Variants in PCDH7 observed in about 807,000 individuals in gnomAD.
PCDH7 encodes the protein protocadherin-7.
PCDH7 carries 17 observed loss-of-function variants against 58.9 expected under a neutral mutation model. The observed-to-expected ratio is 0.29, with a 90% CI of 0.20 to 0.43. PCDH7 has a LOEUF of 0.43. Among genes scored for constraint, PCDH7 ranks in the 20% least tolerant of loss-of-function variants. The pLI is 1.00. For missense variants in PCDH7, 1,274 were observed against 1,441.0 expected (o/e 0.88, Z 1.88); for synonymous variants, 664 against 616.4 (o/e 1.08, Z -1.14).
Position 31,031,385 on chromosome 4 carries a change from G to A in PCDH7, c.*7+81170G>A, listed in dbSNP as rs114043887. Among the ~76,000 whole-genome samples, 617 of 152,198 alleles carry A rather than the reference G, an allele frequency of 4.1e-3. 4 individuals are homozygous for A. The highest frequency in any genetic ancestry group is 0.014 in the African/African-American group (582 of 41,554). ...TCCAACCAAAATTGTCAATACTGTC[G>A]ATCTTGGAATAAAGAATCATTTCAA... On this transcript the variant is annotated intron_variant, in intron 3 of 3. Coordinates refer to the PCDH7 transcript ENST00000509759.
intron 2 of PCDH7, among the ~76,000 whole-genome samples, chr4:30,942,784 C>G (rs1239049289): frequency 2.0e-5 from 3 of 151,818 alleles, no homozygotes; most frequent in Non-Finnish European, 4.4e-5. Flanking sequence ...CATTAATTTA[C>G]TTATTACTAA....
chr4:30,915,585 G>A lies in PCDH7; in HGVS notation c.71-4568G>A, dbSNP rs570142890. On this transcript the variant is annotated intron_variant, in intron 1 of 3. Transcript: ENST00000509759. ...TGTCACCAGGCTAGAGTGCGGTGGC[G>A]CGATCTCGGCTCACTGCAACCTTTG... Among the ~76,000 whole-genome samples the A allele has an allele frequency of 1.1e-4, 17 of 152,144 alleles. No individual in the cohort carries two copies. The South Asian group carries it at 1.7e-3, about 15-fold the overall frequency.
In PCDH7 at chr4:30,721,345, C is replaced by T; in HGVS notation, c.-78C>T. On this transcript the variant is annotated 5_prime_UTR_variant, in exon 1 of 2. Transcript: ENST00000361762. The surrounding 1 kb of genome is among the most constrained non-coding windows in gnomAD (Gnocchi z 6.7). Reference sequence around the variant, plus strand: ...AGAGGGGAGAGGACTCGGGGGAGGGCAGGCGGCCGGCCCCGGAGGAGGGGG... The same window carrying T: ...AGAGGGGAGAGGACTCGGGGGAGGGTAGGCGGCCGGCCCCGGAGGAGGGGG... 7.4e-7 allele frequency: 1 copy of T among 1,343,694 alleles called. No homozygotes were observed. Among genetic ancestry groups the T allele is most frequent in the Non-Finnish European group, 9.8e-7 (1 of 1,018,818 alleles). 83.2% of individuals were successfully genotyped at this position (1,343,694 alleles called of 1,614,324 possible).
At chr4:30,907,102 GA>G (rs1741042390) in intron 1 of PCDH7, among the ~76,000 whole-genome samples, 1 of 152,070 alleles carries the variant, frequency 6.6e-6, no homozygotes, top group African/African-American at 2.4e-5. Flanking sequence ...CAGATGCAAG[GA>G]AAAATATTAT....
chr4:30,888,926 A>C (rs1013178274), intron 1 of PCDH7, among the ~76,000 whole-genome samples: 9 of 152,074 alleles, frequency 5.9e-5, no homozygotes, highest in Admixed American at 2.6e-4. Context: ...CATGCCTGTA[A>C]TTCCAGCAAT....
intron 3 of PCDH7, among the ~76,000 whole-genome samples, chr4:30,988,200 G>T (rs961643714): frequency 2.0e-5 from 3 of 152,138 alleles, no homozygotes; most frequent in African/African-American, 7.2e-5. Context: ...CTGCACGATA[G>T]TACCATGTGA....
At chr4:31,110,658 G>T (rs1716171913) in intron 3 of PCDH7, among the ~76,000 whole-genome samples, 1 of 152,130 alleles carries the variant, frequency 6.6e-6, no homozygotes, top group African/African-American at 2.4e-5. Flanking sequence ...GCTCACGCCT[G>T]TAATCCCAGC....
At chr4:31,119,387 G>A (rs2109321329) in intron 3 of PCDH7, among the ~76,000 whole-genome samples, 1 of 152,104 alleles carries the variant, frequency 6.6e-6, no homozygotes, top group Non-Finnish European at 1.5e-5. Flanking sequence ...TTACCTTAAG[G>A]CAGAGCTGAA....
At chr4:30,844,234 C>T (rs773428930) in intron 1 of PCDH7, among the ~76,000 whole-genome samples, 8 of 152,148 alleles carry the variant, frequency 5.3e-5, no homozygotes, top group South Asian at 2.1e-4. Flanking sequence ...ATCAACAATA[C>T]GATCCCAAAC....
At chr4:30,895,791 T>G (rs1739326252) in intron 1 of PCDH7, among the ~76,000 whole-genome samples, 1 of 152,220 alleles carries the variant, frequency 6.6e-6, no homozygotes, top group African/African-American at 2.4e-5. Flanking sequence ...CATTCTACCT[T>G]ACTCAGATTG....
intron 3 of PCDH7, among the ~76,000 whole-genome samples, chr4:31,045,649 C>A (rs1756223176): frequency 6.6e-6 from 1 of 151,888 alleles, no homozygotes; most frequent in Non-Finnish European, 1.5e-5. Flanking sequence ...TCTTAGTAAC[C>A]AATTGATAAC....
chr4:31,004,872 A>G (rs1028588838), intron 3 of PCDH7, among the ~76,000 whole-genome samples: 4 of 152,302 alleles, frequency 2.6e-5, no homozygotes, highest in African/African-American at 9.6e-5. Context: ...ACAGCTAAAT[A>G]GTGACAACGA....
chr4:30,784,040 A>G (rs1299306228), intron 1 of PCDH7, among the ~76,000 whole-genome samples: 2 of 152,166 alleles, frequency 1.3e-5, no homozygotes, highest in Non-Finnish European at 2.9e-5. Context: ...CCATGTCTAT[A>G]CAACTTCAGC....
rs375651825 is a variant in PCDH7 at position 30,957,081 on chromosome 4, G to A, written c.*7+6866G>A. On this transcript the variant is annotated intron_variant, in intron 3 of 3. Transcript: ENST00000509759. The stretch of plus-strand genomic sequence containing the variant: ...ATTCCAACTTAAAATCAGCAGCTGC[G>A]TAATATGAGCTTATCACCACCATCT... Among the ~76,000 whole-genome samples the A allele has an allele frequency of 2.6e-4, 40 of 152,148 alleles. 1 individual carries two copies. The highest frequency in any genetic ancestry group is 2.1e-3 in the South Asian group (10 of 4,814).
At chr4:31,092,957 G>C (rs1203016801) in intron 3 of PCDH7, among the ~76,000 whole-genome samples, 1 of 151,990 alleles carries the variant, frequency 6.6e-6, no homozygotes, top group Non-Finnish European at 1.5e-5. Context: ...ATTGCATTCT[G>C]TCATTTATCT....
intron 3 of PCDH7, among the ~76,000 whole-genome samples, chr4:31,054,047 C>T (rs1756956740): frequency 6.6e-6 from 1 of 152,044 alleles, no homozygotes; most frequent in African/African-American, 2.4e-5. Flanking sequence ...CTCACTGCAA[C>T]CTCTACCTCC....
At chr4:30,724,543 T>C (rs779092007) in exon 1 of PCDH7, 1 of 1,614,112 alleles carries the variant, frequency 6.2e-7, no homozygotes, top group Non-Finnish European at 8.5e-7. Flanking sequence ...TTCAATTGGA[T>C]CAGATCACTG....
intron 3 of PCDH7, among the ~76,000 whole-genome samples, chr4:31,008,913 G>A (rs1212354917): frequency 2.6e-5 from 4 of 151,944 alleles, no homozygotes; most frequent in African/African-American, 9.7e-5. Context: ...GCAGAGTTAT[G>A]TAATTTTAGA....
intron 3 of PCDH7, among the ~76,000 whole-genome samples, chr4:31,068,117 A>G (rs1307231380): frequency 6.6e-6 from 1 of 151,890 alleles, no homozygotes; most frequent in Admixed American, 6.6e-5. Context: ...CTTACGGGCA[A>G]ATTGGACCTT....
Sources: gnomAD v4.1 joint callset for allele counts (sites outside exome capture counted in the v4.1 genomes callset) on GRCh38, gnomAD v4.1.1 for gene constraint, Gnocchi (gnomAD v3.1) non-coding constraint, MANE v1.5 for transcripts, NCBI Gene and HGNC (gene_info 2026-07-23, HGNC 2026-07-21) for gene names.